The following RIN2 variants were observed in gnomAD, a reference collection of about 807,000 sequenced individuals.
The protein encoded by RIN2 is RAB5 interacting protein 2.
In RIN2, 36 loss-of-function variants were observed where a neutral mutation model predicts 78.0. The ratio of observed to expected loss-of-function variants is 0.46; its 90% CI spans 0.35 to 0.61. The LOEUF (loss-of-function observed/expected upper bound fraction) is 0.61. Among genes scored for constraint, RIN2 ranks in the 20% least tolerant of loss-of-function variants. The probability of loss-of-function intolerance (pLI) is 0.00; values close to 1 mark genes in which losing one functional copy is unlikely to be tolerated. For synonymous variants in RIN2, 466 were observed against 466.8 expected, an observed-to-expected ratio of 1.00 and a Z score of 0.02; for missense variants, 1,087 against 1,159.7, an observed-to-expected ratio of 0.94 and a Z score of 0.91.
At chr20:19,759,160 G>GA (rs1458561095) in intron 1 of RIN2, among the ~76,000 whole-genome samples, 1 of 152,358 alleles carries the variant, frequency 6.6e-6, no homozygotes, top group East Asian at 1.9e-4. Flanking sequence ...AGTTCAGCTT[G>GA]AAAGCCTATG....
chr20:19,985,794 T>G (rs2146365398), intron 9 of RIN2, among the ~76,000 whole-genome samples: 1 of 152,198 alleles, frequency 6.6e-6, no homozygotes, highest in East Asian at 1.9e-4. Flanking sequence ...AGGTGTTTGT[T>G]TTGCACGCGT....
chr20:19,880,392 C>CTT (rs33934712), intron 2 of RIN2, among the ~76,000 whole-genome samples: 741 of 57,428 alleles, frequency 0.013, 118 homozygotes, highest in African/African-American at 0.053. Flanking sequence ...GGAAGTCATT[C>CTT]TTTTTTTTTT....
chr20:19,928,297 C>A (rs1038488386), intron 3 of RIN2, among the ~76,000 whole-genome samples: 2 of 152,174 alleles, frequency 1.3e-5, no homozygotes, highest in Admixed American at 6.5e-5. Flanking sequence ...AGGATGAGGG[C>A]ACCCAAATGG....
intron 2 of RIN2, among the ~76,000 whole-genome samples, chr20:19,813,736 A>G (rs1219178836): frequency 1.3e-5 from 2 of 152,220 alleles, no homozygotes; most frequent in Admixed American, 6.5e-5. Flanking sequence ...AAAAATGAAA[A>G]GTTATTTTAA....
At chr20:19,779,796 GC>G (rs1406083938) in intron 1 of RIN2, among the ~76,000 whole-genome samples, 1 of 152,166 alleles carries the variant, frequency 6.6e-6, no homozygotes, top group Non-Finnish European at 1.5e-5. Context: ...TGCTTACAGA[GC>G]TCGAGTTAGT....
At chr20:19,943,634 C>T (rs2040969829) in intron 4 of RIN2, among the ~76,000 whole-genome samples, 1 of 152,140 alleles carries the variant, frequency 6.6e-6, no homozygotes, top group Non-Finnish European at 1.5e-5. Flanking sequence ...AGGGAAACTC[C>T]CTAAGTCGGA....
At chr20:19,966,278 A>G (rs2041934085) in intron 7 of RIN2, among the ~76,000 whole-genome samples, 1 of 151,690 alleles carries the variant, frequency 6.6e-6, no homozygotes, top group South Asian at 2.1e-4. Context: ...CTCAAAGACT[A>G]AATGCCTGTT....
chr20:19,990,235 G>A lies in RIN2; in HGVS notation c.1992G>A (p.Met664Ile), dbSNP rs2042753831. ...IKVKFMTMQK[M>I]YSPEKKVMLL... The stretch of plus-strand genomic sequence containing the variant: ...TCAAGTTCATGACCATGCAGAAGAT[G>A]TATTCGCCGGAAAAGAAGGTCATGC... The change falls in exon 10 of 13, where the codon ATG becomes ATA. Residue 664 changes from methionine (M) to isoleucine (I), a missense_variant. This residue lies in a region of RIN2 where 97 missense variants were observed against 104.8 expected (regional missense o/e 0.93). Coordinates refer to ENST00000255006, the MANE Select transcript of RIN2 (RefSeq NM_018993.4). 1 of 1,613,314 alleles carries A rather than the reference G, an allele frequency of 6.2e-7. No homozygotes were observed. Among genetic ancestry groups the A allele is most frequent in the Non-Finnish European group, 8.5e-7 (1 of 1,179,684 alleles).
chr20:19,781,318 A>T (rs1418056629), intron 1 of RIN2, among the ~76,000 whole-genome samples: 1 of 152,074 alleles, frequency 6.6e-6, no homozygotes, highest in Non-Finnish European at 1.5e-5. Flanking sequence ...AGTGTGTAGA[A>T]TTCGCTTATT....
intron 1 of RIN2, among the ~76,000 whole-genome samples, chr20:19,785,648 GC>G (rs1279934292): frequency 6.6e-6 from 1 of 152,140 alleles, no homozygotes; most frequent in Non-Finnish European, 1.5e-5. Context: ...ATTGTGCAAG[GC>G]CAATGTTGGC....
At chr20:19,801,832 G>A (rs1214701543) in intron 2 of RIN2, among the ~76,000 whole-genome samples, 1 of 152,192 alleles carries the variant, frequency 6.6e-6, no homozygotes, top group East Asian at 1.9e-4. Context: ...GAAGTGCATA[G>A]TTCCAGGTAT....
At chr20:19,810,496 A>G (rs1002699596) in intron 2 of RIN2, among the ~76,000 whole-genome samples, 2 of 152,112 alleles carry the variant, frequency 1.3e-5, no homozygotes, top group African/African-American at 4.8e-5. Flanking sequence ...GCTTGGGTCC[A>G]GAGCACCTAC....
Position 19,975,182 on chromosome 20 carries a change from C to CGGAGCT in RIN2, c.1166_1171dup (p.Glu389_Leu390dup). On this transcript the variant is annotated inframe_insertion, in exon 9 of 13. Coordinates refer to ENST00000255006, the MANE Select transcript of RIN2 (RefSeq NM_018993.4). The surrounding 1 kb of genome is among the most constrained non-coding windows in gnomAD (Gnocchi z 4.9). ...AGCGGCGGCCGGCCGGGCGCAGGCC[C>CGGAGCT]GGAGCTGGAGCTGGGCACAGCTGGC... 3 of 1,608,690 alleles carry CGGAGCT rather than the reference C, an allele frequency of 1.9e-6. No homozygotes were observed. Among genetic ancestry groups the CGGAGCT allele is most frequent in the Non-Finnish European group, 2.5e-6 (3 of 1,177,932 alleles).
At chr20:19,891,594 G>A (rs939564950) in intron 3 of RIN2, among the ~76,000 whole-genome samples, 4 of 152,272 alleles carry the variant, frequency 2.6e-5, no homozygotes, top group East Asian at 3.9e-4. Flanking sequence ...CTAGGTGGGC[G>A]GATCACTTGA....
chr20:19,919,619 A>G (rs1281555818), intron 3 of RIN2, among the ~76,000 whole-genome samples: 1 of 151,992 alleles, frequency 6.6e-6, no homozygotes, highest in East Asian at 1.9e-4. Context: ...CAGCCTGGCC[A>G]ACATGGTGAA....
intron 10 of RIN2, among the ~76,000 whole-genome samples, chr20:19,990,941 C>A (rs1394005077): frequency 1.3e-5 from 2 of 152,216 alleles, no homozygotes; most frequent in Admixed American, 1.3e-4. Context: ...GAGTTACAAT[C>A]TTGGAAAGCC....
chr20:19,812,176 C>A (rs943439362), intron 2 of RIN2, among the ~76,000 whole-genome samples: 19 of 151,938 alleles, frequency 1.3e-4, no homozygotes, highest in Non-Finnish European at 2.6e-4. Context: ...ATTGTGAACA[C>A]CCACATACAA....
chr20:19,990,811 G>T (rs2042776271), intron 10 of RIN2, among the ~76,000 whole-genome samples: 1 of 152,148 alleles, frequency 6.6e-6, no homozygotes. Context: ...TTGTGTCAAT[G>T]ACCTATAGTA....
chr20:19,964,956 T>C lies in RIN2; in HGVS notation c.468T>C (p.Phe156=). The C allele has an allele frequency of 6.2e-7, 1 of 1,613,426 alleles. No individual in the cohort carries two copies. Among genetic ancestry groups the C allele is most frequent in the Non-Finnish European group, 8.5e-7 (1 of 1,179,598 alleles). ...EFAIKESTYT[F]SLEGSGISFA... ...TTTCTGAAATCTCTTTTCCAGCCTT[T>C]TCCCTGGAAGGCTCAGGAATCAGTT... The change falls in exon 7 of 13, where the codon TTT becomes TTC. Residue 156 remains phenylalanine (F), a synonymous_variant. Coordinates refer to ENST00000255006, the MANE Select transcript of RIN2 (RefSeq NM_018993.4).
Sources: allele counts gnomAD v4.1 joint callset (sites outside exome capture counted in the v4.1 genomes callset), GRCh38; gene constraint gnomAD v4.1.1; regional missense constraint gnomAD v4.1.1; non-coding constraint Gnocchi (gnomAD v3.1); transcripts MANE v1.5; gene names NCBI Gene and HGNC (gene_info 2026-07-23, HGNC 2026-07-21).